Variants in AVL9 observed in about 807,000 individuals in gnomAD.
The protein encoded by AVL9 is AVL9 cell migration associated.
A neutral mutation model predicts 79.2 loss-of-function variants in AVL9; 49 were observed. The ratio of observed to expected loss-of-function variants is 0.62; its 90% CI spans 0.49 to 0.79. AVL9 has a LOEUF of 0.79. Among genes scored for constraint, AVL9 ranks in the 30% least tolerant of loss-of-function variants. AVL9 has a pLI of 0.00. For synonymous variants in AVL9, 299 were observed against 280.6 expected (o/e 1.07, Z -0.65); for missense variants, 682 against 776.8 (o/e 0.88, Z 1.45).
Position 32,573,198 on chromosome 7 carries a change from G to C in AVL9, c.1351-1G>C. 1.2e-6 allele frequency: 2 copies of C among 1,613,552 alleles called. No individual in the cohort carries two copies. The highest frequency in any genetic ancestry group is 1.7e-6 in the Non-Finnish European group (2 of 1,179,748). ...CTGACTTGTACCTGGATACCCTCTA[G>C]GTAGAAGAAGCTCTGATCCAGATCC... On this transcript the variant is annotated splice_acceptor_variant, in intron 11 of 15. Transcript: ENST00000318709. LOFTEE classifies it high-confidence loss of function.
chr7:32,576,120 G>A (rs557506087), intron 13 of AVL9, 48 bp downstream of exon 13: 9 of 1,283,750 alleles, frequency 7.0e-6, no homozygotes, highest in South Asian at 2.4e-5. Context: ...GTTGGTTTAC[G>A]AGTGCCCAAT....
Position 32,580,233 on chromosome 7 carries a change from G to A in AVL9, c.1703G>A (p.Gly568Asp). 1 of 1,611,760 alleles carries A rather than the reference G, an allele frequency of 6.2e-7. No individual in the cohort carries two copies. The highest frequency in any genetic ancestry group is 8.5e-7 in the Non-Finnish European group (1 of 1,179,004). The change falls in exon 14 of 16, where the codon GGC (glycine) becomes GAC (aspartate). Residue 568 changes from glycine (G) to aspartate (D), a missense_variant. By Grantham distance (94) the Gly-to-Asp change is moderately conservative. Coordinates refer to ENST00000318709, the MANE Select transcript of AVL9 (RefSeq NM_015060.3). ...AEINPNHPFQ[G>D]QYSVSDMKLR... ...TTTTTTTACAGCCATCCATTTCAAG[G>A]CCAATACTCAGTATCAGACATGAAG...
At chr7:32,517,048 A>G (rs903141595) in intron 1 of AVL9, among the ~76,000 whole-genome samples, 4 of 152,156 alleles carry the variant, frequency 2.6e-5, no homozygotes, top group East Asian at 1.9e-4. Flanking sequence ...TTTGTATTCA[A>G]CCATTTCGTT....
At chr7:32,523,159 A>G (rs1275175238) in intron 1 of AVL9, among the ~76,000 whole-genome samples, 2 of 151,568 alleles carry the variant, frequency 1.3e-5, no homozygotes, top group African/African-American at 2.4e-5. Context: ...CCAAAAAAAA[A>G]AAAAAAAAAA....
Position 32,503,363 on chromosome 7 carries a change from T to TAC in AVL9, c.93+7562_93+7563insCA, listed in dbSNP as rs1199472851. Among the ~76,000 whole-genome samples, 30 of 100,314 alleles carry TAC rather than the reference T, an allele frequency of 3.0e-4. No individual in the cohort carries two copies. In the South Asian group the frequency reaches 4.9e-3, roughly 16 times the overall value. The allele number at this position is 100,314 out of a possible 152,430, so 65.8% of individuals were successfully genotyped here. A position where few individuals can be genotyped will look rare whatever the true frequency, so the allele number is the denominator to read the frequency against. On this transcript the variant is annotated intron_variant, in intron 1 of 15. Coordinates refer to ENST00000318709, the MANE Select transcript of AVL9 (RefSeq NM_015060.3). ...ATATATAGATATAGATATAGAGAGA[T>TAC]ATATATATATACACACACACACACA...
At chr7:32,579,290 ATG>A (rs1472510092) in intron 13 of AVL9, among the ~76,000 whole-genome samples, 2 of 101,998 alleles carry the variant, frequency 2.0e-5, no homozygotes, top group East Asian at 2.5e-4. Context: ...ATATATATAT[ATG>A]TATTATATAT....
chr7:32,505,092 T>C (rs913812003), intron 1 of AVL9, among the ~76,000 whole-genome samples: 28 of 149,454 alleles, frequency 1.9e-4, no homozygotes, highest in Admixed American at 1.6e-3. Flanking sequence ...CAGGCTGGTC[T>C]CGAACTCCTG....
At chr7:32,515,649 G>T (rs1484799985) in intron 1 of AVL9, among the ~76,000 whole-genome samples, 1 of 152,164 alleles carries the variant, frequency 6.6e-6, no homozygotes, top group African/African-American at 2.4e-5. Context: ...CCCATTCCTA[G>T]GTAAGTGACT....
At chr7:32,497,636 C>T (rs1305644204) in intron 1 of AVL9, among the ~76,000 whole-genome samples, 1 of 109,286 alleles carries the variant, frequency 9.2e-6, no homozygotes, top group East Asian at 3.3e-4. Flanking sequence ...TGCCGTGGGT[C>T]ATGTTGACCA....
chr7:32,512,000 T>C (rs2128118588), intron 1 of AVL9, among the ~76,000 whole-genome samples: 1 of 152,322 alleles, frequency 6.6e-6, no homozygotes, highest in Non-Finnish European at 1.5e-5. Flanking sequence ...AGAATGCCTA[T>C]TATGAAACAT....
At position 32,587,712 on chromosome 7, in the gene AVL9, T is replaced by G. The variant is rs1043258502; in HGVS notation, c.*3805T>G. On this transcript the variant is annotated 3_prime_UTR_variant, in exon 16 of 16. Transcript: ENST00000318709. ...GGTAGCCTTTAAAAGTGGTAGAAGA[T>G]GCTGCCCTAATTCCCCGAGGATGAT... 6.6e-6 allele frequency: 1 copy of G among 152,226 alleles called. No individual in the cohort carries two copies. The highest frequency in any genetic ancestry group is 6.5e-5 in the Admixed American group (1 of 15,278). The allele number at this position is 152,226 out of a possible 1,614,324, so 9.4% of individuals were successfully genotyped here. A position where few individuals can be genotyped will look rare whatever the true frequency, so the allele number is the denominator to read the frequency against.
At chr7:32,540,721 T>C (rs544330317) in intron 1 of AVL9, among the ~76,000 whole-genome samples, 1 of 152,272 alleles carries the variant, frequency 6.6e-6, no homozygotes, top group South Asian at 2.1e-4. Flanking sequence ...CAAACTGTTG[T>C]GCCAGTGTAC....
intron 13 of AVL9, among the ~76,000 whole-genome samples, chr7:32,579,418 T>A (rs1394933497): frequency 3.7e-4 from 2 of 5,342 alleles, no homozygotes; most frequent in Admixed American, 4.8e-3. Flanking sequence ...TATAATATGT[T>A]ATATATATAA....
At chr7:32,551,017 A>G (rs1789790255) in intron 4 of AVL9, among the ~76,000 whole-genome samples, 1 of 152,176 alleles carries the variant, frequency 6.6e-6, no homozygotes, top group Admixed American at 6.5e-5. Context: ...TACTATTTTC[A>G]TATGCCCATG....
At chr7:32,507,673 T>C (rs533628599) in intron 1 of AVL9, among the ~76,000 whole-genome samples, 14 of 152,354 alleles carry the variant, frequency 9.2e-5, no homozygotes, top group African/African-American at 3.4e-4. Flanking sequence ...GGTTGTTTCA[T>C]CATGGGCATT....
intron 1 of AVL9, among the ~76,000 whole-genome samples, chr7:32,523,963 G>C (rs950855751): frequency 6.6e-6 from 1 of 151,728 alleles, no homozygotes; most frequent in African/African-American, 2.4e-5. Flanking sequence ...TCGATCTCCT[G>C]ACCTCGTGAT....
At chr7:32,517,097 G>C (rs1301266727) in intron 1 of AVL9, among the ~76,000 whole-genome samples, 1 of 152,132 alleles carries the variant, frequency 6.6e-6, no homozygotes, top group Non-Finnish European at 1.5e-5. Context: ...CAATGAGTTT[G>C]TATTAATATC....
At position 32,584,644 on chromosome 7, in the gene AVL9, T is replaced by C. The variant is rs1318824511; in HGVS notation, c.*737T>C. ...TCGATGATACTGAAGCAGTTTAACA[T>C]GAATGTGTCTGTAGGGCAATACTTT... On this transcript the variant is annotated 3_prime_UTR_variant, in exon 16 of 16. Coordinates refer to ENST00000318709, the MANE Select transcript of AVL9 (RefSeq NM_015060.3). 6.6e-6 allele frequency: 1 copy of C among 152,244 alleles called. No homozygotes were observed. The highest frequency in any genetic ancestry group is 1.5e-5 in the Non-Finnish European group (1 of 68,138). The allele number at this position is 152,244 out of a possible 1,614,324, so 9.4% of individuals were successfully genotyped here.
In AVL9 at chr7:32,544,764, A is replaced by G. The variant is rs112070719; in HGVS notation, c.285A>G (p.Arg95=). 5.0e-6 allele frequency: 8 copies of G among 1,613,670 alleles called. No homozygotes were observed. In the South Asian group the frequency reaches 6.6e-5, roughly 13 times the overall value. Residue 95 remains arginine, a synonymous_variant, in exon 3 of 16, where the codon CGA becomes CGG. Transcript: ENST00000318709. ...GATVFGISCY[R]QIEAKALKVR... ...CAGTATTTGGTATCTCTTGCTATCG[A>G]CAAATTGAAGCCAAGGTACGATAGT... is the stretch of plus-strand genomic sequence containing the variant.
Sources: allele counts gnomAD v4.1 joint callset (sites outside exome capture counted in the v4.1 genomes callset), GRCh38; gene constraint gnomAD v4.1.1; transcripts MANE v1.5; gene names NCBI Gene and HGNC (gene_info 2026-07-23, HGNC 2026-07-21).